Variants in TNS3 observed in about 807,000 individuals in gnomAD.
TNS3 encodes tensin 3, also known as tensin-3.
Under a neutral mutation model 140.9 loss-of-function variants are expected in TNS3, and 45 were observed. That is an observed-to-expected ratio of 0.32 (90% CI 0.25 to 0.41). The LOEUF is 0.41. Ranked by LOEUF, TNS3 falls within the 10% of genes least tolerant of loss-of-function variation. The pLI is 1.00. For synonymous variants in TNS3, 815 were observed against 788.4 expected, an observed-to-expected ratio of 1.03 and a Z score of -0.56; for missense variants, 1,716 against 1,906.7, an observed-to-expected ratio of 0.90 and a Z score of 1.86.
chr7:47,417,631 G>C (rs1794152623), intron 10 of TNS3, among the ~76,000 whole-genome samples: 2 of 152,188 alleles, frequency 1.3e-5, no homozygotes, highest in South Asian at 4.1e-4. Flanking sequence ...ATTCTCATCT[G>C]TCCTTTATAG....
intron 24 of TNS3, 132 bp downstream of exon 24, chr7:47,296,950 G>GA (rs779769966): frequency 3.2e-5 from 39 of 1,204,330 alleles, no homozygotes; most frequent in African/African-American, 4.7e-5. Flanking sequence ...AAATATACCT[G>GA]AAAAAATAAA....
At chr7:47,384,589 A>G (rs540603269) in intron 16 of TNS3, among the ~76,000 whole-genome samples, 41 of 152,314 alleles carry the variant, frequency 2.7e-4, no homozygotes, top group African/African-American at 9.1e-4. Flanking sequence ...TTCTCATGAC[A>G]TACCCTCAAC....
At chr7:47,355,919 C>A (rs1365215080) in intron 17 of TNS3, among the ~76,000 whole-genome samples, 2 of 152,164 alleles carry the variant, frequency 1.3e-5, no homozygotes, top group East Asian at 3.9e-4. Flanking sequence ...CGGACACCCA[C>A]CATGCTGCCC....
intron 17 of TNS3, among the ~76,000 whole-genome samples, chr7:47,361,141 A>T: frequency 6.9e-6 from 1 of 144,192 alleles, no homozygotes; most frequent in South Asian, 2.3e-4. Context: ...CTGGGACCCT[A>T]ATAGAGCTCC....
chr7:47,422,870 CA>C (rs10711047), intron 10 of TNS3, among the ~76,000 whole-genome samples: 60,910 of 146,314 alleles, frequency 0.42, 12,416 homozygotes, highest in Non-Finnish European at 0.43. Context: ...TTAATGGTTC[CA>C]AAAAAAAACA....
intron 29 of TNS3, 48 bp from the exon 30 acceptor site, chr7:47,280,238 G>A: frequency 6.2e-7 from 1 of 1,613,968 alleles, no homozygotes; most frequent in Non-Finnish European, 8.5e-7. Flanking sequence ...TAAACTAAAG[G>A]ATAGAATTAA....
chr7:47,345,113 G>T, intron 18 of TNS3, 75 bp from the exon 19 acceptor site: 1 of 1,203,722 alleles, frequency 8.3e-7, no homozygotes, highest in Non-Finnish European at 1.2e-6. Context: ...TGTGGTTGTG[G>T]CTCCCCCAGG....
At chr7:47,284,114 C>G (rs1785288634) in intron 27 of TNS3, among the ~76,000 whole-genome samples, 1 of 152,188 alleles carries the variant, frequency 6.6e-6, no homozygotes, top group African/African-American at 2.4e-5. Flanking sequence ...CAAAGCAGAC[C>G]CGCCTGGTGT....
chr7:47,545,242 C>G (rs1799890479), intron 1 of TNS3, among the ~76,000 whole-genome samples: 2 of 148,668 alleles, frequency 1.3e-5, no homozygotes, highest in Non-Finnish European at 3.0e-5. Context: ...CAGGTTCAAG[C>G]GATTCTCCTG....
At chr7:47,520,225 G>A (rs559633273) in intron 2 of TNS3, among the ~76,000 whole-genome samples, 7 of 152,266 alleles carry the variant, frequency 4.6e-5, no homozygotes, top group East Asian at 1.9e-4. Context: ...CCCTGGCTTC[G>A]AGGATGTGGA....
intron 1 of TNS3, among the ~76,000 whole-genome samples, chr7:47,564,313 C>T (rs1356686044): frequency 6.6e-6 from 1 of 151,862 alleles, no homozygotes; most frequent in African/African-American, 2.4e-5. Context: ...AGACAGATTC[C>T]GAATTCTGCT....
At chr7:47,297,344 C>A in intron 23 of TNS3, 131 bp from the exon 24 acceptor site, 1 of 1,121,306 alleles carries the variant, frequency 8.9e-7, no homozygotes, top group East Asian at 2.5e-5. Flanking sequence ...TGGCCGGGAT[C>A]CCTCTGCTTG....
At chr7:47,483,980 A>G (rs1161309611) in intron 3 of TNS3, among the ~76,000 whole-genome samples, 1 of 152,206 alleles carries the variant, frequency 6.6e-6, no homozygotes, top group Non-Finnish European at 1.5e-5. Context: ...AACTGCATAA[A>G]ATGAATCGTT....
At chr7:47,408,709 A>T (rs984455732) in intron 13 of TNS3, among the ~76,000 whole-genome samples, 4 of 152,228 alleles carry the variant, frequency 2.6e-5, no homozygotes, top group African/African-American at 9.6e-5. Context: ...TGTAAGCCCT[A>T]CAAAATCTGG....
chr7:47,295,995 C>T (rs1341854407), intron 24 of TNS3, among the ~76,000 whole-genome samples: 2 of 152,158 alleles, frequency 1.3e-5, no homozygotes, highest in South Asian at 2.1e-4. Context: ...TTTCCCCACT[C>T]CTAGTGAATC....
intron 16 of TNS3, among the ~76,000 whole-genome samples, chr7:47,392,744 T>C (rs1200411355): frequency 6.6e-6 from 1 of 152,198 alleles, no homozygotes; most frequent in Non-Finnish European, 1.5e-5. Context: ...AGCTCACCAA[T>C]GCAGCACACC....
At chr7:47,298,134 C>G (rs1213000979) in intron 23 of TNS3, among the ~76,000 whole-genome samples, 7 of 152,176 alleles carry the variant, frequency 4.6e-5, no homozygotes, top group Middle Eastern at 3.2e-3. Context: ...AGGGCATACC[C>G]AAAATGTTAC....
Position 47,361,359 on chromosome 7 carries a change from C to A in TNS3, c.2281+7006G>T, listed in dbSNP as rs1007939674. Among the ~76,000 whole-genome samples the A allele has an allele frequency of 2.6e-5, 4 of 152,304 alleles. No individual in the cohort carries two copies. The South Asian group carries it at 8.3e-4, about 32-fold the overall frequency. On this transcript the variant is annotated intron_variant, in intron 17 of 30. Coordinates refer to ENST00000311160, the MANE Select transcript of TNS3 (RefSeq NM_022748.12). ...AGCCTCACTCCCCAGCACTGAACTT[C>A]CCTGGCACACTATGCTTTCTCCCGG...
At chr7:47,345,631 T>G (rs1356517269) in intron 18 of TNS3, among the ~76,000 whole-genome samples, 1 of 152,184 alleles carries the variant, frequency 6.6e-6, no homozygotes, top group Non-Finnish European at 1.5e-5. Context: ...TTTACATCCA[T>G]TCTGACTAGA....
Sources: gnomAD v4.1 joint callset for allele counts (sites outside exome capture counted in the v4.1 genomes callset) on GRCh38, gnomAD v4.1.1 for gene constraint, MANE v1.5 for transcripts, NCBI Gene and HGNC (gene_info 2026-07-23, HGNC 2026-07-21) for gene names.